The following STAU2 variants were observed in gnomAD, a reference collection of about 807,000 sequenced individuals.
STAU2 encodes the protein double-stranded RNA-binding protein Staufen homolog 2.
In STAU2, 20 loss-of-function variants were observed where a neutral mutation model predicts 65.9. The ratio of observed to expected loss-of-function variants is 0.30; its 90% CI spans 0.21 to 0.44. The LOEUF (loss-of-function observed/expected upper bound fraction) is 0.44, where lower values mean the gene tolerates loss of function less well. Ranked by LOEUF, STAU2 falls within the 20% of genes least tolerant of loss-of-function variation. The pLI is 1.00. For synonymous variants in STAU2, 232 were observed against 233.9 expected, an observed-to-expected ratio of 0.99 and a Z score of 0.07; for missense variants, 558 against 683.9, an observed-to-expected ratio of 0.82 and a Z score of 2.05.
intron 7 of STAU2, among the ~76,000 whole-genome samples, chr8:73,617,045 A>T (rs1812877746): frequency 6.6e-6 from 1 of 152,172 alleles, no homozygotes; most frequent in African/African-American, 2.4e-5. Flanking sequence ...ATATAAGCCA[A>T]ATCAATGTTA....
At chr8:73,621,028 G>A (rs1284149197) in intron 6 of STAU2, among the ~76,000 whole-genome samples, 1 of 152,110 alleles carries the variant, frequency 6.6e-6, no homozygotes, top group Admixed American at 6.6e-5. Context: ...TATAAAGATC[G>A]ATATGTTCTA....
chr8:73,537,119 C>T (rs1806232021), intron 13 of STAU2, among the ~76,000 whole-genome samples: 1 of 151,870 alleles, frequency 6.6e-6, no homozygotes, highest in South Asian at 2.1e-4. Flanking sequence ...GGCTTCATAG[C>T]AAAATGGAAA....
chr8:73,576,687 C>A (rs1809588184), intron 12 of STAU2, among the ~76,000 whole-genome samples: 1 of 152,038 alleles, frequency 6.6e-6, no homozygotes, highest in South Asian at 2.1e-4. Context: ...TCAAATATTG[C>A]CTATTTTTCT....
At chr8:73,689,942 T>C (rs559667349) in intron 4 of STAU2, among the ~76,000 whole-genome samples, 1 of 151,590 alleles carries the variant, frequency 6.6e-6, no homozygotes, top group South Asian at 2.1e-4. Flanking sequence ...GAGATCTAGA[T>C]TATGGGACAT....
intron 12 of STAU2, among the ~76,000 whole-genome samples, chr8:73,555,316 T>C (rs563091094): frequency 2.2e-4 from 21 of 95,122 alleles, no homozygotes; most frequent in African/African-American, 7.5e-4. Flanking sequence ...CCTCAGGCCA[T>C]GCCTTATCAC....
chr8:73,736,661 T>C (rs1000729704), intron 3 of STAU2, among the ~76,000 whole-genome samples: 8 of 152,124 alleles, frequency 5.3e-5, no homozygotes, highest in African/African-American at 1.7e-4. Context: ...AGATTATTTC[T>C]AGGGCACACA....
At chr8:73,574,511 G>A (rs1410806930) in intron 12 of STAU2, among the ~76,000 whole-genome samples, 1 of 152,182 alleles carries the variant, frequency 6.6e-6, no homozygotes, top group African/African-American at 2.4e-5. Context: ...CAACCCAAAA[G>A]TCCATCAATG....
chr8:73,686,938 GCTGGAGTGT>G (rs1818879660), intron 5 of STAU2, among the ~76,000 whole-genome samples: 1 of 148,412 alleles, frequency 6.7e-6, no homozygotes, highest in African/African-American at 2.5e-5. Context: ...TGTCGCCCAG[GCTGGAGTGT>G]AGTGGCGTGA....
intron 13 of STAU2, among the ~76,000 whole-genome samples, chr8:73,528,243 A>G: frequency 6.6e-6 from 1 of 152,208 alleles, no homozygotes; most frequent in African/African-American, 2.4e-5. Context: ...CTATTTCTAC[A>G]GTATAGTCCC....
At chr8:73,425,766 C>T (rs771233320) in intron 13 of STAU2, among the ~76,000 whole-genome samples, 31 of 152,012 alleles carry the variant, frequency 2.0e-4, no homozygotes, top group Non-Finnish European at 3.5e-4. Context: ...CACATCTTGG[C>T]GCACGTCTTT....
chr8:73,742,864 T>C (rs1806982363), intron 1 of STAU2, among the ~76,000 whole-genome samples: 1 of 152,142 alleles, frequency 6.6e-6, no homozygotes, highest in Admixed American at 6.6e-5. Flanking sequence ...GAAATCTATA[T>C]AATCCCCAAT....
chr8:73,651,607 TG>T, intron 6 of STAU2: 1 of 654,398 alleles, frequency 1.5e-6, no homozygotes. Context: ...TGCTGTCCCC[TG>T]GCTCCTTCTG....
At chr8:73,663,113 T>C (rs959557124) in intron 6 of STAU2, among the ~76,000 whole-genome samples, 5 of 152,176 alleles carry the variant, frequency 3.3e-5, no homozygotes, top group African/African-American at 1.2e-4. Context: ...TAAAATATTT[T>C]GGGCTTTGCA....
rs532016104 is a variant in STAU2, at chr8:73,427,498, C to G, written c.1531-4796G>C. ...CACCCTCAAAAGACTGAGGTTTGGA[C>G]AGTTCTCCCCACCCTCCCTGCAAGA... On this transcript the variant is annotated intron_variant, in intron 13 of 14. Coordinates refer to ENST00000524300, the MANE Select transcript of STAU2 (RefSeq NM_001164380.2). Among the ~76,000 whole-genome samples the G allele has an allele frequency of 9.2e-5, 14 of 152,332 alleles. No individual in the cohort carries two copies. The South Asian group carries it at 2.9e-3, about 32-fold the overall frequency.
chr8:73,677,934 A>C (rs1818131178), intron 5 of STAU2, among the ~76,000 whole-genome samples: 1 of 152,082 alleles, frequency 6.6e-6, no homozygotes, highest in Non-Finnish European at 1.5e-5. Context: ...TCCTGCTATA[A>C]TCCTCTAAAT....
At chr8:73,715,451 C>A (rs1163430262) in intron 3 of STAU2, among the ~76,000 whole-genome samples, 289 of 123,624 alleles carry the variant, frequency 2.3e-3, no homozygotes, top group Middle Eastern at 4.0e-3. Context: ...GTGAGACTGT[C>A]AAAAAAAAAA....
At chr8:73,628,415 G>C (rs1813848964) in intron 6 of STAU2, among the ~76,000 whole-genome samples, 1 of 152,136 alleles carries the variant, frequency 6.6e-6, no homozygotes, top group African/African-American at 2.4e-5. Context: ...CTGCATGCTA[G>C]TAATCTAATA....
At chr8:73,661,530 T>C (rs1182025616) in intron 6 of STAU2, among the ~76,000 whole-genome samples, 1 of 152,322 alleles carries the variant, frequency 6.6e-6, no homozygotes, top group African/African-American at 2.4e-5. Context: ...TACACTCATA[T>C]TAACAATCAC....
At chr8:73,699,375 GAACA>G (rs1819918958) in intron 4 of STAU2, among the ~76,000 whole-genome samples, 1 of 151,462 alleles carries the variant, frequency 6.6e-6, no homozygotes, top group Admixed American at 6.6e-5. Context: ...GAGATCACTA[GAACA>G]AAAAGTTGGT....
Sources: gnomAD v4.1 joint callset for allele counts (sites outside exome capture counted in the v4.1 genomes callset) on GRCh38, gnomAD v4.1.1 for gene constraint, MANE v1.5 for transcripts, NCBI Gene and HGNC (gene_info 2026-07-23, HGNC 2026-07-21) for gene names.